Variants in CCDC180 observed in about 807,000 individuals in gnomAD.
The protein encoded by CCDC180 is coiled-coil domain containing 180.
In CCDC180, 154 loss-of-function variants were observed where a neutral mutation model predicts 209.2. The ratio of observed to expected loss-of-function variants is 0.74; its 90% confidence interval spans 0.65 to 0.84. The LOEUF (loss-of-function observed/expected upper bound fraction) is 0.84, where lower values mean the gene tolerates loss of function less well. CCDC180 is among the 40% of genes least tolerant of loss of function. CCDC180 has a pLI of 0.00. For synonymous variants in CCDC180, 778 were observed against 749.1 expected, an observed-to-expected ratio of 1.04 and a Z score of -0.63; for missense variants, 1,874 against 1,997.3, an observed-to-expected ratio of 0.94 and a Z score of 1.18.
upstream of CCDC180, chr9:97,307,656 C>T: frequency 7.1e-7 from 1 of 1,411,772 alleles, no homozygotes; most frequent in South Asian, 1.2e-5. Context: ...CAACCGACAC[C>T]TTGAGCGCCG....
upstream of CCDC180, chr9:97,307,431 G>A (rs1433855063): frequency 2.9e-5 from 17 of 576,744 alleles, no homozygotes; most frequent in Admixed American, 4.6e-5. Context: ...CCAATCTACC[G>A]GGCTCAGGGG....
chr9:97,346,136 C>T (rs534676247), intron 19 of CCDC180, among the ~76,000 whole-genome samples: 1 of 152,296 alleles, frequency 6.6e-6, no homozygotes, highest in East Asian at 1.9e-4. Context: ...TCTCCTCTCC[C>T]CCACTGCTCT....
At chr9:97,352,355 C>A (rs1587821854) in intron 22 of CCDC180, among the ~76,000 whole-genome samples, 1 of 152,234 alleles carries the variant, frequency 6.6e-6, no homozygotes, top group East Asian at 1.9e-4. Flanking sequence ...AAAGAACAGA[C>A]AATAGCCTGG....
intron 28 of CCDC180, chr9:97,363,758 G>A (rs985396353): frequency 5.7e-6 from 3 of 526,264 alleles, no homozygotes; most frequent in East Asian, 3.8e-5. Context: ...TCCTCATCAC[G>A]GGGAAGCAGG....
At chr9:97,342,433 G>A (rs1321596160) in intron 18 of CCDC180, among the ~76,000 whole-genome samples, 1 of 151,992 alleles carries the variant, frequency 6.6e-6, no homozygotes, top group African/African-American at 2.4e-5. Flanking sequence ...AACCATCTTG[G>A]AACAGACCTC....
intron 10 of CCDC180, 68 bp from the exon 11 acceptor site, chr9:97,320,058 A>G: frequency 8.6e-7 from 1 of 1,167,332 alleles, no homozygotes; most frequent in Non-Finnish European, 1.3e-6. Context: ...TTCCTTGAAG[A>G]TGCTACCCAT....
chr9:97,311,840 C>G (rs1404756572), intron 3 of CCDC180, among the ~76,000 whole-genome samples: 1 of 152,148 alleles, frequency 6.6e-6, no homozygotes, highest in Non-Finnish European at 1.5e-5. Flanking sequence ...GCTCATCATC[C>G]ACACTTGACC....
chr9:97,354,728 C>T lies in CCDC180; in HGVS notation c.3147+15C>T. ...ACCTGGACCAGGTAGGGCCCCCAGCCAGGCCCCAGGCCAACCGGTTCCACA... is the reference window on the plus strand; with the variant it reads ...ACCTGGACCAGGTAGGGCCCCCAGCTAGGCCCCAGGCCAACCGGTTCCACA... On this transcript the variant is annotated intron_variant, in intron 23 of 36. Coordinates refer to ENST00000529487, the MANE Select transcript of CCDC180 (RefSeq NM_020893.6). 1 of 1,614,124 alleles carries T rather than the reference C, an allele frequency of 6.2e-7. No homozygotes were observed. The highest frequency in any genetic ancestry group is 8.5e-7 in the Non-Finnish European group (1 of 1,179,992).
chr9:97,324,428 A>G (rs1302486696), intron 13 of CCDC180, among the ~76,000 whole-genome samples: 1 of 152,216 alleles, frequency 6.6e-6, no homozygotes, highest in Non-Finnish European at 1.5e-5. Context: ...CATCTCATTA[A>G]ATATCTTCTT....
chr9:97,351,801 A>G (rs962528129), intron 22 of CCDC180, among the ~76,000 whole-genome samples: 5 of 152,164 alleles, frequency 3.3e-5, no homozygotes, highest in Admixed American at 3.3e-4. Flanking sequence ...TCCACCCCTG[A>G]AGTTTCAACA....
rs141321092 is a variant in CCDC180, at chr9:97,344,524, A to G, written c.2498+961A>G. On this transcript the variant is annotated intron_variant, in intron 19 of 36. Transcript: ENST00000529487. ...TTACTGAGTGTATTTAATCCCCTTA[A>G]TAACTGTGAGAGAGTTACCATACTT... Among the ~76,000 whole-genome samples the G allele has an allele frequency of 1.9e-3, 287 of 152,282 alleles. 1 individual carries two copies. The highest frequency in any genetic ancestry group is 3.5e-3 in the Non-Finnish European group (235 of 68,020).
In CCDC180 at chr9:97,358,781, A is replaced by G. The variant is rs554406136; in HGVS notation, c.3363+1056A>G. On this transcript the variant is annotated intron_variant, in intron 25 of 36. Coordinates refer to ENST00000529487, the MANE Select transcript of CCDC180 (RefSeq NM_020893.6). ...AGTCCAGCCAGGTGCTCCCAGAACC[A>G]GACACCCCAGCCTGAAGGTTCTGGA... 1.3e-3 allele frequency among the ~76,000 whole-genome samples: 201 copies of G among 152,306 alleles called. 1 individual carries two copies. The highest frequency in any genetic ancestry group is 3.9e-3 in the African/African-American group (163 of 41,566).
At chr9:97,320,252 T>C in intron 11 of CCDC180, 47 bp downstream of exon 11, 2 of 1,542,456 alleles carry the variant, frequency 1.3e-6, no homozygotes, top group Non-Finnish European at 9.0e-7. Flanking sequence ...CAGAACTGTT[T>C]AAGCAGTTGC....
chr9:97,341,791 A>C (rs1193454932), intron 18 of CCDC180, among the ~76,000 whole-genome samples: 2 of 152,176 alleles, frequency 1.3e-5, no homozygotes, highest in Non-Finnish European at 1.5e-5. Flanking sequence ...CCAGAGGTGG[A>C]GTCTACAGAG....
At position 97,320,355 on chromosome 9, in the gene CCDC180, G is replaced by GC. The variant is rs1003462591; in HGVS notation, c.1159+156dup. 7 of 708,812 alleles carry GC rather than the reference G, an allele frequency of 9.9e-6. No individual in the cohort carries two copies. The African/African-American group carries it at 1.2e-4, about 12-fold the overall frequency. The allele number at this position is 708,812 out of a possible 1,614,324, so 43.9% of individuals were successfully genotyped here. A position where few individuals can be genotyped will look rare whatever the true frequency, so the allele number is the denominator to read the frequency against. On this transcript the variant is annotated intron_variant, in intron 11 of 36. Transcript: ENST00000529487. ...AAAGTGAGCTCTGAGGGCTCAAAAG[G>GC]CCCCCCTCCCTTCTAAGGCCTCCCC...
At chr9:97,363,981 T>A in intron 28 of CCDC180, 70 bp from the exon 29 acceptor site, 1 of 1,460,072 alleles carries the variant, frequency 6.8e-7, no homozygotes, top group Non-Finnish European at 9.5e-7. Flanking sequence ...CAGGCAGGGA[T>A]CCTGCAGGCT....
At chr9:97,355,980 G>A (rs976876488) in intron 24 of CCDC180, among the ~76,000 whole-genome samples, 2 of 152,140 alleles carry the variant, frequency 1.3e-5, no homozygotes, top group Non-Finnish European at 1.5e-5. Context: ...GGAAGGGTTC[G>A]GGTGGGGCTG....
intron 33 of CCDC180, 73 bp from the exon 34 acceptor site, chr9:97,371,522 C>A: frequency 2.2e-6 from 2 of 896,444 alleles, no homozygotes; most frequent in Non-Finnish European, 3.5e-6. Flanking sequence ...CAGAGTTCAC[C>A]CATCCCCTCT....
chr9:97,333,515 T>TG (rs1564157933), intron 18 of CCDC180, among the ~76,000 whole-genome samples: 3 of 149,514 alleles, frequency 2.0e-5, no homozygotes, highest in African/African-American at 4.9e-5. Flanking sequence ...TTTTTTTTTT[T>TG]TTTTTTTTTT....
Sources: allele counts gnomAD v4.1 joint callset (sites outside exome capture counted in the v4.1 genomes callset), GRCh38; gene constraint gnomAD v4.1.1; transcripts MANE v1.5; gene names NCBI Gene and HGNC (gene_info 2026-07-23, HGNC 2026-07-21).